Variants in CCPG1 observed in about 807,000 individuals in gnomAD.
The protein encoded by CCPG1 is cell cycle progression 1.
Under a neutral mutation model 81.3 loss-of-function variants are expected in CCPG1, and 46 were observed. The ratio of observed to expected loss-of-function variants is 0.57; its 90% CI spans 0.45 to 0.72. The LOEUF (loss-of-function observed/expected upper bound fraction) is 0.72. CCPG1 is among the 30% of genes least tolerant of loss of function. CCPG1 has a pLI of 0.00. For missense variants in CCPG1, 902 were observed against 937.6 expected, an observed-to-expected ratio of 0.96 and a Z score of 0.50; for synonymous variants, 330 against 305.2, an observed-to-expected ratio of 1.08 and a Z score of -0.85.
Position 55,360,201 on chromosome 15 carries a change from T to TC in CCPG1, c.1571_1572insG (p.Phe525IlefsTer6), listed in dbSNP as rs2056162737. The TC allele has an allele frequency of 2.5e-6, 4 of 1,613,318 alleles. No individual in the cohort carries two copies. Among genetic ancestry groups the TC allele is most frequent in the Non-Finnish European group, 3.4e-6 (4 of 1,179,812 alleles). On this transcript the variant is annotated frameshift_variant, in exon 8 of 9. Coordinates refer to ENST00000442196, the MANE Select transcript of CCPG1 (RefSeq NM_001204450.2). LOFTEE classifies it high-confidence loss of function. ...AAGTGGATTTAACTGAATCTGAGAA[T>TC]TTTTTCAGATTTTCCTTCACAGCTT... is the stretch of plus-strand genomic sequence containing the variant.
intron 1 of CCPG1, among the ~76,000 whole-genome samples, chr15:55,402,025 C>T (rs2057138856): frequency 6.6e-6 from 1 of 152,176 alleles, no homozygotes; most frequent in Admixed American, 6.5e-5. Context: ...GCTGTCTTCT[C>T]CCATGAAATT....
chr15:55,377,248 A>G, intron 4 of CCPG1, 98 bp from the exon 5 acceptor site: 1 of 813,176 alleles, frequency 1.2e-6, no homozygotes, highest in Non-Finnish European at 1.9e-6. Flanking sequence ...TAGTCATCTG[A>G]GTTAAAATAA....
At chr15:55,377,870 T>C (rs2056599161) in intron 4 of CCPG1, among the ~76,000 whole-genome samples, 1 of 151,830 alleles carries the variant, frequency 6.6e-6, no homozygotes, top group Admixed American at 6.6e-5. Flanking sequence ...AAATTTCTGT[T>C]TGTTATAAAT....
chr15:55,380,585 G>A (rs1421652861), intron 3 of CCPG1, among the ~76,000 whole-genome samples: 2 of 151,892 alleles, frequency 1.3e-5, no homozygotes, highest in African/African-American at 4.8e-5. Context: ...ATGAGCTACC[G>A]CGCCCGGTCG....
intron 1 of CCPG1, among the ~76,000 whole-genome samples, chr15:55,393,402 T>C (rs2056960258): frequency 6.6e-6 from 1 of 152,176 alleles, no homozygotes; most frequent in African/African-American, 2.4e-5. Flanking sequence ...ACTGCATGAC[T>C]GCACTCCAGC....
At position 55,355,441 on chromosome 15, in the gene CCPG1, A is replaced by G. The variant is rs2056059247; in HGVS notation, c.*779T>C. ...TGAAGATGAAATTCTGAACTTTCCT[A>G]GATAAATTAACATTGCTGGGTGGAA... On this transcript the variant is annotated 3_prime_UTR_variant, in exon 9 of 9. Coordinates refer to ENST00000442196, the MANE Select transcript of CCPG1 (RefSeq NM_001204450.2). 6.3e-7 allele frequency: 1 copy of G among 1,599,316 alleles called. No individual in the cohort carries two copies. Among genetic ancestry groups the G allele is most frequent in the Admixed American group, 1.7e-5 (1 of 57,684 alleles).
At chr15:55,364,750 G>A (rs1332930054) in intron 7 of CCPG1, among the ~76,000 whole-genome samples, 2 of 150,518 alleles carry the variant, frequency 1.3e-5, no homozygotes, top group African/African-American at 4.8e-5. Flanking sequence ...GTGCACACCT[G>A]TAATCCCAGC....
chr15:55,379,580 C>G (rs1156686535), intron 3 of CCPG1, among the ~76,000 whole-genome samples: 1 of 151,894 alleles, frequency 6.6e-6, no homozygotes, highest in Non-Finnish European at 1.5e-5. Flanking sequence ...GCTTGTAATC[C>G]CAGGACTTTG....
intron 2 of CCPG1, among the ~76,000 whole-genome samples, chr15:55,386,890 C>G (rs2056810797): frequency 7.4e-6 from 1 of 135,128 alleles, no homozygotes; most frequent in African/African-American, 2.6e-5. Context: ...GAGCAAGACT[C>G]CATCTCAAAA....
chr15:55,386,738 C>CA (rs148605524), intron 2 of CCPG1, among the ~76,000 whole-genome samples: 25,020 of 147,850 alleles, frequency 0.17, 3,877 homozygotes, highest in African/African-American at 0.42. Flanking sequence ...ACTAAAAATA[C>CA]AAAAAAAAAA....
intron 7 of CCPG1, among the ~76,000 whole-genome samples, chr15:55,363,772 A>G (rs2141249516): frequency 6.7e-6 from 1 of 148,726 alleles, no homozygotes; most frequent in African/African-American, 2.5e-5. Context: ...GAAGGAAAAA[A>G]CAATAGCTTA....
intron 6 of CCPG1, among the ~76,000 whole-genome samples, chr15:55,367,534 G>C (rs2056355461): frequency 6.6e-6 from 1 of 151,618 alleles, no homozygotes; most frequent in Non-Finnish European, 1.5e-5. Context: ...CTCCTATTAA[G>C]AATTCCAAGC....
At chr15:55,373,608 T>G (rs2056499088) in intron 5 of CCPG1, among the ~76,000 whole-genome samples, 1 of 152,194 alleles carries the variant, frequency 6.6e-6, no homozygotes. Context: ...TCTTGATCAC[T>G]AGTTTTTCAA....
intron 4 of CCPG1, among the ~76,000 whole-genome samples, 164 bp downstream of exon 4, chr15:55,378,136 C>G (rs2056604436): frequency 6.6e-6 from 1 of 151,926 alleles, no homozygotes; most frequent in Non-Finnish European, 1.5e-5. Context: ...AACACAATAC[C>G]AATAAAATAC....
chr15:55,386,982 T>C (rs936279702), intron 2 of CCPG1, among the ~76,000 whole-genome samples: 1 of 151,986 alleles, frequency 6.6e-6, no homozygotes, highest in Non-Finnish European at 1.5e-5. Flanking sequence ...TTGTCTATAG[T>C]GGCAGGAGAA....
rs1385304958 is a variant in CCPG1, at chr15:55,360,536, C to T, written c.1237G>A (p.Asp413Asn). 1 of 1,614,080 alleles carries T rather than the reference C, an allele frequency of 6.2e-7. No homozygotes were observed. Among genetic ancestry groups the T allele is most frequent in the Admixed American group, 1.7e-5 (1 of 60,010 alleles). ...LSGSQLHGKSDSPNVYTEKKE... is the reference protein window; with the variant it reads ...LSGSQLHGKSNSPNVYTEKKE... ...TTTTCAGTATATACATTGGGAGAATCTGACTTGCCATGTAACTGACTACCA... is the reference window on the plus strand; with the variant it reads ...TTTTCAGTATATACATTGGGAGAATTTGACTTGCCATGTAACTGACTACCA... Residue 413 changes from aspartate (D) to asparagine (N), a missense_variant, in exon 8 of 9, where the codon GAT (aspartate) becomes AAT (asparagine). This residue lies in a region of CCPG1 where 746 missense variants were observed against 728.6 expected (regional missense o/e 1.02). Coordinates refer to ENST00000442196, the MANE Select transcript of CCPG1 (RefSeq NM_001204450.2).
intron 8 of CCPG1, chr15:55,357,197 C>T: frequency 1.1e-6 from 1 of 924,604 alleles, no homozygotes; most frequent in Non-Finnish European, 1.3e-6. Flanking sequence ...TTACCCTTGC[C>T]CCAAACCTTG....
intron 6 of CCPG1, 98 bp from the exon 7 acceptor site, chr15:55,365,407 A>G: frequency 4.5e-6 from 3 of 670,030 alleles, no homozygotes; most frequent in South Asian, 3.6e-5. Flanking sequence ...TAAGCTATGT[A>G]GTCTTTTTTT....
In CCPG1 at chr15:55,378,351, A is replaced by C; in HGVS notation, c.201T>G (p.Leu67=). 6.2e-7 allele frequency: 1 copy of C among 1,611,104 alleles called. No individual in the cohort carries two copies. Among genetic ancestry groups the C allele is most frequent in the Non-Finnish European group, 8.5e-7 (1 of 1,178,364 alleles). The change falls in exon 4 of 9, where the codon CTT becomes CTG. Residue 67 remains leucine, a synonymous_variant. Coordinates refer to ENST00000442196, the MANE Select transcript of CCPG1 (RefSeq NM_001204450.2). ...QGESSQNGTV[L]MEETAYPALE... ...AAGCTGGATAAGCAGTTTCTTCCAT[A>C]AGCACTGTGCCATTTTGGCTGCTTT... is the stretch of plus-strand genomic sequence containing the variant.
Sources: allele counts gnomAD v4.1 joint callset (sites outside exome capture counted in the v4.1 genomes callset), GRCh38; gene constraint gnomAD v4.1.1; regional missense constraint gnomAD v4.1.1; transcripts MANE v1.5; gene names NCBI Gene and HGNC (gene_info 2026-07-23, HGNC 2026-07-21).